TMEM232: variants seen among roughly 807,000 people sequenced by gnomAD.
TMEM232 encodes transmembrane protein 232.
TMEM232 carries 80 observed loss-of-function variants against 78.8 expected under a neutral mutation model. The ratio of observed to expected loss-of-function variants is 1.01; its 90% CI spans 0.85 to 1.22. TMEM232 has a LOEUF of 1.22. Among genes scored for constraint, TMEM232 ranks in the 50% most tolerant of loss-of-function variants. The pLI, the probability that TMEM232 is intolerant of heterozygous loss-of-function variation, is 0.00. For missense variants in TMEM232, 881 were observed against 742.2 expected (o/e 1.19, Z -2.17); for synonymous variants, 297 against 254.3 (o/e 1.17, Z -1.60).
chr5:110,461,950 C>A (rs915281813), intron 12 of TMEM232, among the ~76,000 whole-genome samples: 1 of 152,154 alleles, frequency 6.6e-6, no homozygotes, highest in African/African-American at 2.4e-5. Flanking sequence ...TCCAAAAGCT[C>A]TGGTGGAGAT....
At chr5:110,551,139 C>A (rs975324980) in intron 11 of TMEM232, among the ~76,000 whole-genome samples, 1 of 152,064 alleles carries the variant, frequency 6.6e-6, no homozygotes, top group African/African-American at 2.4e-5. Flanking sequence ...TATGAATAAG[C>A]CTTGAACACT....
chr5:110,420,482 A>C lies in TMEM232; in HGVS notation c.*98T>G. On this transcript the variant is annotated 3_prime_UTR_variant, in exon 14 of 14. Coordinates refer to ENST00000455884, the MANE Select transcript of TMEM232 (RefSeq NM_001039763.4). ...TAAACAATACCTCCATTTAATGACA[A>C]GAAAGTTCTCTTACTATGTAGCTAT... 1.3e-6 allele frequency: 1 copy of C among 746,580 alleles called. No homozygotes were observed. The highest frequency in any genetic ancestry group is 1.9e-6 in the Non-Finnish European group (1 of 514,118). The allele number at this position is 746,580 out of a possible 1,614,324, so 46.2% of individuals were successfully genotyped here. A position where few individuals can be genotyped will look rare whatever the true frequency, so the allele number is the denominator to read the frequency against.
intron 1 of TMEM232, among the ~76,000 whole-genome samples, chr5:110,687,160 C>A (rs2150207155): frequency 6.6e-6 from 1 of 152,254 alleles, no homozygotes; most frequent in African/African-American, 2.4e-5. Flanking sequence ...TTGAATAGTG[C>A]TGCCTCACCC....
At chr5:110,459,530 C>G (rs1761269008) in intron 12 of TMEM232, among the ~76,000 whole-genome samples, 1 of 152,044 alleles carries the variant, frequency 6.6e-6, no homozygotes, top group Non-Finnish European at 1.5e-5. Flanking sequence ...AAGTAAAAAG[C>G]TCTTTTAGGA....
intron 1 of TMEM232, among the ~76,000 whole-genome samples, chr5:110,672,825 T>C (rs547091010): frequency 6.7e-4 from 102 of 152,006 alleles, no homozygotes; most frequent in Non-Finnish European, 1.2e-3. Context: ...ACTATTATTT[T>C]TATTGTTATT....
intron 12 of TMEM232, among the ~76,000 whole-genome samples, chr5:110,477,334 G>A (rs1763358900): frequency 6.6e-6 from 1 of 151,838 alleles, no homozygotes; most frequent in Non-Finnish European, 1.5e-5. Context: ...AATAAGAAAT[G>A]ATGCCCTAGA....
chr5:110,502,966 T>G (rs1363316977), intron 12 of TMEM232, among the ~76,000 whole-genome samples: 2 of 152,238 alleles, frequency 1.3e-5, no homozygotes, highest in Non-Finnish European at 2.9e-5. Context: ...CAATCTGTAA[T>G]TACTTCGGTT....
intron 1 of TMEM232, among the ~76,000 whole-genome samples, chr5:110,672,423 C>T (rs1791475513): frequency 6.6e-6 from 1 of 152,090 alleles, no homozygotes; most frequent in African/African-American, 2.4e-5. Flanking sequence ...AAGTGTTTAA[C>T]CAACACAAGT....
chr5:110,705,878 C>T (rs1191715184), intron 1 of TMEM232, among the ~76,000 whole-genome samples: 1 of 151,590 alleles, frequency 6.6e-6, no homozygotes, highest in African/African-American at 2.4e-5. Flanking sequence ...CCTGAAATCA[C>T]GGACCCTAAT....
intron 3 of TMEM232, among the ~76,000 whole-genome samples, chr5:110,396,894 G>A (rs1215794056): frequency 6.6e-6 from 1 of 152,120 alleles, no homozygotes; most frequent in African/African-American, 2.4e-5. Context: ...GTCCATAGGA[G>A]AGAGGAAGAT....
chr5:110,596,856 G>A (rs145087639), intron 10 of TMEM232, among the ~76,000 whole-genome samples: 3,643 of 152,156 alleles, frequency 0.024, 44 homozygotes, highest in African/African-American at 0.031. Context: ...GTATTGATGG[G>A]ACGTATCTCA....
At chr5:110,407,286 G>T (rs910680133) in intron 2 of TMEM232, among the ~76,000 whole-genome samples, 2 of 152,006 alleles carry the variant, frequency 1.3e-5, no homozygotes, top group African/African-American at 4.8e-5. Context: ...CTAACTACAT[G>T]TTGCCTCAAG....
chr5:110,576,808 G>T (rs552004960), intron 10 of TMEM232, among the ~76,000 whole-genome samples: 13 of 152,144 alleles, frequency 8.5e-5, no homozygotes, highest in Admixed American at 6.6e-4. Context: ...TCAATAAATG[G>T]TGCTGAGATA....
chr5:110,625,329 A>G lies in TMEM232; in HGVS notation c.706T>C (p.Ser236Pro). 1 of 1,547,296 alleles carries G rather than the reference A, an allele frequency of 6.5e-7. No individual in the cohort carries two copies. The highest frequency in any genetic ancestry group is 8.7e-7 in the Non-Finnish European group (1 of 1,144,616). ...TCCACAGGTCTAAAAATGGATTCAG[A>G]ACGGAGTTCTCTTTTACCTATAATT... ...SEIIGKRELR[S>P]ESIFRPVEDK... Residue 236 changes from serine (S) to proline (P), a missense_variant, in exon 7 of 14, where the codon TCT (serine) becomes CCT (proline). Ser to Pro is a moderately conservative substitution (Grantham distance 74, BLOSUM62 -1). Transcript: ENST00000455884.
rs150774317 is a variant in TMEM232, at chr5:110,421,445, C to A, written c.1798-689G>T. ...TATATATATATATAATTAGGAGGAA[C>A]TTTTTTTCTCTTCTAATACATTTGA... is the stretch of plus-strand genomic sequence containing the variant. On this transcript the variant is annotated intron_variant, in intron 13 of 13. Transcript: ENST00000455884. 9.6e-3 allele frequency among the ~76,000 whole-genome samples: 1,454 copies of A among 151,544 alleles called. 24 individuals carry two copies. Among genetic ancestry groups the A allele is most frequent in the African/African-American group, 0.033 (1,364 of 41,426 alleles).
chr5:110,628,976 T>C (rs956726400), intron 5 of TMEM232: 1 of 152,052 alleles, frequency 6.6e-6, no homozygotes, highest in Admixed American at 6.6e-5. Flanking sequence ...TATTTATAAA[T>C]GTATTCATAA....
intron 1 of TMEM232, among the ~76,000 whole-genome samples, chr5:110,690,564 A>T (rs1793996077): frequency 6.6e-6 from 1 of 152,140 alleles, no homozygotes; most frequent in Non-Finnish European, 1.5e-5. Context: ...AAGACAGTGT[A>T]GTGATTCCTC....
chr5:110,506,413 G>T (rs187437850), intron 12 of TMEM232, among the ~76,000 whole-genome samples: 2 of 152,130 alleles, frequency 1.3e-5, no homozygotes, highest in East Asian at 3.9e-4. Flanking sequence ...CTCCCCAATA[G>T]AATCTAAATG....
intron 3 of TMEM232, among the ~76,000 whole-genome samples, chr5:110,394,103 A>T (rs913357567): frequency 2.6e-5 from 4 of 151,994 alleles, no homozygotes; most frequent in Non-Finnish European, 4.4e-5. Context: ...CCCCACCCAA[A>T]ACCTTCCCAG....
Sources: gnomAD v4.1 joint callset for allele counts (sites outside exome capture counted in the v4.1 genomes callset) on GRCh38, gnomAD v4.1.1 for gene constraint, MANE v1.5 for transcripts, NCBI Gene and HGNC (gene_info 2026-07-23, HGNC 2026-07-21) for gene names.